The following POT1 variants were observed in gnomAD, a reference collection of about 807,000 sequenced individuals.
POT1 encodes the protein protection of telomeres 1, also known as protection of telomeres protein 1.
POT1 carries 47 observed loss-of-function variants against 78.5 expected under a neutral mutation model. The ratio of observed to expected loss-of-function variants is 0.60; its 90% CI spans 0.47 to 0.76. The LOEUF (loss-of-function observed/expected upper bound fraction) is 0.76. POT1 is among the 30% of genes least tolerant of loss of function. The pLI is 0.00. For missense variants in POT1, 646 were observed against 749.9 expected (o/e 0.86, Z 1.62); for synonymous variants, 259 against 260.7 (o/e 0.99, Z 0.06).
intron 6 of POT1, among the ~76,000 whole-genome samples, chr7:124,889,669 T>C (rs1265037876): frequency 6.9e-6 from 1 of 144,108 alleles, no homozygotes; most frequent in Non-Finnish European, 1.5e-5. Context: ...AATACTCACT[T>C]AGTCTCAAAA....
In POT1 at chr7:124,825,377, A is replaced by AG. The variant is rs773163527; in HGVS notation, c.1687-21dup. On this transcript the variant is annotated intron_variant, in intron 17 of 18. Coordinates refer to ENST00000357628, the MANE Select transcript of POT1 (RefSeq NM_015450.3). ...TTTGTCCTTAAAAATGTTTCATGAGAGAAAAAAAAAGGAAATAATATTAAT... is the reference window on the plus strand; with the variant it reads ...TTTGTCCTTAAAAATGTTTCATGAGAGGAAAAAAAAAGGAAATAATATTAAT... 5.5e-6 allele frequency: 8 copies of AG among 1,445,926 alleles called. No individual in the cohort carries two copies. Among genetic ancestry groups the AG allele is most frequent in the South Asian group, 4.9e-5 (4 of 82,112 alleles). The allele number at this position is 1,445,926 out of a possible 1,614,324, so 89.6% of individuals were successfully genotyped here. A position where few individuals can be genotyped will look rare whatever the true frequency, so the allele number is the denominator to read the frequency against.
chr7:124,870,315 T>C (rs981036978), intron 7 of POT1, among the ~76,000 whole-genome samples: 7 of 152,110 alleles, frequency 4.6e-5, no homozygotes, highest in Non-Finnish European at 1.0e-4. Flanking sequence ...ATTTGTAAGT[T>C]CTAAAATTTT....
intron 7 of POT1, among the ~76,000 whole-genome samples, chr7:124,865,678 C>T (rs931740932): frequency 3.7e-4 from 56 of 150,612 alleles, no homozygotes; most frequent in African/African-American, 1.3e-3. Context: ...CACTTAATTC[C>T]TTTTTTAAGT....
chr7:124,886,827 A>G (rs539494939), intron 6 of POT1, among the ~76,000 whole-genome samples: 1 of 152,252 alleles, frequency 6.6e-6, no homozygotes, highest in East Asian at 1.9e-4. Context: ...GATTTTTCTA[A>G]TAACAACTGA....
chr7:124,852,030 G>A (rs1409443670), intron 10 of POT1, 79 bp from the exon 11 acceptor site: 9 of 881,158 alleles, frequency 1.0e-5, no homozygotes, highest in Middle Eastern at 3.2e-4. Flanking sequence ...ACAAAATCCA[G>A]AAATTCATTG....
chr7:124,825,635 ATTCTCTTTGTGC>A (rs1794612186), intron 17 of POT1, among the ~76,000 whole-genome samples: 1 of 152,162 alleles, frequency 6.6e-6, no homozygotes, highest in South Asian at 2.1e-4. Context: ...GAGGCTGACT[ATTCTCTTTGTGC>A]ATAGAAAAAA....
At chr7:124,882,353 T>C (rs181574347) in intron 6 of POT1, among the ~76,000 whole-genome samples, 1 of 152,016 alleles carries the variant, frequency 6.6e-6, no homozygotes, top group African/African-American at 2.4e-5. Context: ...TCAAGCTACA[T>C]TATGTGCTGT....
At chr7:124,928,094 A>G (rs1797318465) in intron 2 of POT1, among the ~76,000 whole-genome samples, 1 of 152,192 alleles carries the variant, frequency 6.6e-6, no homozygotes, top group Non-Finnish European at 1.5e-5. Flanking sequence ...ATGGAAAAAA[A>G]TGCAATGAAT....
intron 16 of POT1, among the ~76,000 whole-genome samples, chr7:124,828,259 G>T (rs914152620): frequency 6.6e-6 from 1 of 152,092 alleles, no homozygotes; most frequent in Non-Finnish European, 1.5e-5. Context: ...AAGAAAAAAG[G>T]GATATCATCT....
At chr7:124,905,570 G>A (rs1366631886) in intron 3 of POT1, among the ~76,000 whole-genome samples, 3 of 151,438 alleles carry the variant, frequency 2.0e-5, no homozygotes, top group Non-Finnish European at 4.4e-5. Context: ...CAGAACACAG[G>A]CATGGGCAAG....
intron 9 of POT1, among the ~76,000 whole-genome samples, chr7:124,855,196 T>C (rs1324126851): frequency 1.2e-5 from 1 of 81,954 alleles, no homozygotes; most frequent in Non-Finnish European, 2.2e-5. Flanking sequence ...CAAACCTACA[T>C]ATGGAGACAC....
intron 2 of POT1, among the ~76,000 whole-genome samples, chr7:124,927,134 G>A (rs1334040413): frequency 1.3e-5 from 2 of 152,116 alleles, no homozygotes; most frequent in African/African-American, 4.8e-5. Flanking sequence ...CTCATTTCTT[G>A]AAAGACATTT....
chr7:124,844,172 A>T (rs1161109316), intron 12 of POT1, among the ~76,000 whole-genome samples: 1 of 137,072 alleles, frequency 7.3e-6, no homozygotes, highest in African/African-American at 2.7e-5. Flanking sequence ...CTTGTTGCCC[A>T]GGCTGGAGTG....
chr7:124,879,966 G>A lies in POT1; in HGVS notation c.125-8925C>T, dbSNP rs142061915. Among the ~76,000 whole-genome samples the A allele has an allele frequency of 3.1e-3, 467 of 152,116 alleles. 4 individuals carry two copies. The highest frequency in any genetic ancestry group is 0.011 in the African/African-American group (444 of 41,520). Reference sequence around the variant, plus strand: ...GAGGATTTTTTGGTAATAGCTTATAGTGTTTCCCCAAACACTATACTGGCT... The same window carrying A: ...GAGGATTTTTTGGTAATAGCTTATAATGTTTCCCCAAACACTATACTGGCT... On this transcript the variant is annotated intron_variant, in intron 6 of 18. Transcript: ENST00000357628.
chr7:124,861,479 T>C (rs6466953), intron 8 of POT1, among the ~76,000 whole-genome samples: 91,256 of 151,980 alleles, frequency 0.6, 27,528 homozygotes, highest in African/African-American at 0.64. Flanking sequence ...AGTTTAAGTT[T>C]CTTGTAGATT....
At chr7:124,899,350 C>T (rs946547507) in intron 3 of POT1, among the ~76,000 whole-genome samples, 12 of 152,138 alleles carry the variant, frequency 7.9e-5, no homozygotes, top group African/African-American at 2.9e-4. Flanking sequence ...GGTATTGTAG[C>T]TCTGCAATTC....
At chr7:124,900,899 G>A in intron 3 of POT1, 1 of 325,376 alleles carries the variant, frequency 3.1e-6, no homozygotes, top group East Asian at 9.0e-5. Flanking sequence ...TTTGCTCATT[G>A]CTGGCACAGC....
At chr7:124,927,075 T>C (rs1240149395) in intron 2 of POT1, among the ~76,000 whole-genome samples, 1 of 152,202 alleles carries the variant, frequency 6.6e-6, no homozygotes, top group Admixed American at 6.5e-5. Flanking sequence ...CACACCTATT[T>C]ACAAAATAAA....
At chr7:124,851,005 CCTGTAATCCCAGAATTTTGGGAGG>C (rs1795293976) in intron 11 of POT1, among the ~76,000 whole-genome samples, 1 of 151,502 alleles carries the variant, frequency 6.6e-6, no homozygotes, top group South Asian at 2.1e-4. Flanking sequence ...GTGGCTCAAG[CCTGTAATCCCAGAATTTTGGGAGG>C]CTAAGGCAGG....
Sources: gnomAD v4.1 joint callset for allele counts (sites outside exome capture counted in the v4.1 genomes callset) on GRCh38, gnomAD v4.1.1 for gene constraint, MANE v1.5 for transcripts, NCBI Gene and HGNC (gene_info 2026-07-23, HGNC 2026-07-21) for gene names.